Variants in METTL8 observed in about 807,000 individuals in gnomAD.
The protein encoded by METTL8 is tRNA N(3)-cytidine methyltransferase METTL8, mitochondrial.
A neutral mutation model predicts 48.7 loss-of-function variants in METTL8; 32 were observed. The observed-to-expected ratio is 0.66, with a 90% CI of 0.50 to 0.88. METTL8 has a LOEUF of 0.88. METTL8 is among the 40% of genes least tolerant of loss of function. The pLI, the probability that METTL8 is intolerant of heterozygous loss-of-function variation, is 0.00. For synonymous variants in METTL8, 136 were observed against 157.1 expected, an observed-to-expected ratio of 0.87 and a Z score of 1.01; for missense variants, 464 against 474.4, an observed-to-expected ratio of 0.98 and a Z score of 0.20.
intron 1 of METTL8, among the ~76,000 whole-genome samples, chr2:171,396,796 T>C (rs1055929302): frequency 6.6e-6 from 1 of 151,976 alleles, no homozygotes; most frequent in Non-Finnish European, 1.5e-5. Flanking sequence ...TTTATAGTTT[T>C]ACATATTTTT....
intron 1 of METTL8, among the ~76,000 whole-genome samples, chr2:171,431,977 G>A (rs1014590381): frequency 2.0e-4 from 30 of 152,338 alleles, no homozygotes; most frequent in Middle Eastern, 3.4e-3. Context: ...AGCGGTGCAC[G>A]GAGCCAGCTC....
At chr2:171,361,329 T>A (rs1172137227) in intron 2 of METTL8, among the ~76,000 whole-genome samples, 1 of 151,654 alleles carries the variant, frequency 6.6e-6, no homozygotes, top group Non-Finnish European at 1.5e-5. Context: ...TTTTTATCAC[T>A]AAACAATAAA....
At chr2:171,324,939 A>G (rs1269487424) in intron 9 of METTL8, among the ~76,000 whole-genome samples, 1 of 151,912 alleles carries the variant, frequency 6.6e-6, no homozygotes, top group African/African-American at 2.4e-5. Flanking sequence ...CCCCTTCTCT[A>G]ATAAAAATAC....
intron 3 of METTL8, among the ~76,000 whole-genome samples, chr2:171,341,967 G>T (rs1384316318): frequency 6.6e-6 from 1 of 152,064 alleles, no homozygotes; most frequent in Non-Finnish European, 1.5e-5. Context: ...ACCACAGTTG[G>T]AAGGAGAATT....
At chr2:171,421,271 C>T (rs552223915) in intron 1 of METTL8, among the ~76,000 whole-genome samples, 1 of 152,126 alleles carries the variant, frequency 6.6e-6, no homozygotes, top group African/African-American at 2.4e-5. Flanking sequence ...GTTAGAAAAC[C>T]TAATTTTAAA....
At chr2:171,350,185 T>G (rs1456798063) in intron 3 of METTL8, among the ~76,000 whole-genome samples, 2 of 152,194 alleles carry the variant, frequency 1.3e-5, no homozygotes, top group Non-Finnish European at 2.9e-5. Context: ...ATTGTTCAAT[T>G]CCCACCTATG....
chr2:171,361,957 A>AAGGTAGGTTTGGGTTC (rs1175738567), intron 2 of METTL8, among the ~76,000 whole-genome samples: 4 of 152,100 alleles, frequency 2.6e-5, no homozygotes, highest in Non-Finnish European at 5.9e-5. Context: ...GGCTTAAGAG[A>AAGGTAGGTTTGGGTTC]AGGTAGGTTT....
chr2:171,375,631 A>C (rs1331139450), intron 2 of METTL8, among the ~76,000 whole-genome samples: 1 of 152,202 alleles, frequency 6.6e-6, no homozygotes, highest in Non-Finnish European at 1.5e-5. Context: ...GTATCTTAAA[A>C]TACTTCATTT....
At position 171,326,028 on chromosome 2, in the gene METTL8, G is replaced by T; in HGVS notation, c.967+14C>A. 1 of 1,423,468 alleles carries T rather than the reference G, an allele frequency of 7.0e-7. No homozygotes were observed. Among genetic ancestry groups the T allele is most frequent in the Non-Finnish European group, 9.7e-7 (1 of 1,035,504 alleles). 88.2% of individuals were successfully genotyped at this position (1,423,468 alleles called of 1,614,324 possible). ...GAACATTTAAAAATAACCTCAAACTGAATATACTATTACCCTTTTTAAAAC... is the reference window on the plus strand; with the variant it reads ...GAACATTTAAAAATAACCTCAAACTTAATATACTATTACCCTTTTTAAAAC... On this transcript the variant is annotated intron_variant, in intron 8 of 9. Coordinates refer to ENST00000375258, the MANE Select transcript of METTL8 (RefSeq NM_001321154.2).
At chr2:171,398,369 T>C (rs1463512300) in intron 1 of METTL8, among the ~76,000 whole-genome samples, 1 of 152,106 alleles carries the variant, frequency 6.6e-6, no homozygotes, top group African/African-American at 2.4e-5. Context: ...TGGATGAATC[T>C]TAAAGATATT....
chr2:171,387,681 T>C (rs1688209588), intron 2 of METTL8, among the ~76,000 whole-genome samples: 2 of 152,138 alleles, frequency 1.3e-5, no homozygotes. Context: ...TTATTTTTTG[T>C]ACTAAGTTTT....
chr2:171,368,136 AT>A (rs1481846183), intron 2 of METTL8, among the ~76,000 whole-genome samples: 1 of 152,218 alleles, frequency 6.6e-6, no homozygotes, highest in African/African-American at 2.4e-5. Context: ...AAAATTTTCA[AT>A]TTTGCTGATT....
rs762739077 is a variant in METTL8 at position 171,415,349 on chromosome 2, C to CTTTT, written c.-13+18530_-13+18533dup. Among the ~76,000 whole-genome samples the CTTTT allele has an allele frequency of 2.4e-3, 268 of 112,360 alleles. 8 individuals carry two copies. The highest frequency in any genetic ancestry group is 7.9e-3 in the African/African-American group (201 of 25,564). The allele number at this position is 112,360 out of a possible 152,430, so 73.7% of individuals were successfully genotyped here. ...TTTTCTTCTTAATATATCTCGAAATCTTTTTTTTTTTTTTTTTTTTTTTGA... is the reference window on the plus strand; with the variant it reads ...TTTTCTTCTTAATATATCTCGAAATCTTTTTTTTTTTTTTTTTTTTTTTTTTTGA... On this transcript the variant is annotated intron_variant, in intron 1 of 9. Transcript: ENST00000375258.
At chr2:171,324,948 A>G (rs1329174041) in intron 9 of METTL8, among the ~76,000 whole-genome samples, 1 of 151,962 alleles carries the variant, frequency 6.6e-6, no homozygotes, top group Non-Finnish European at 1.5e-5. Context: ...TAATAAAAAT[A>G]CAAAAATTAC....
intron 2 of METTL8, among the ~76,000 whole-genome samples, chr2:171,370,861 T>C (rs182392404): frequency 6.6e-6 from 1 of 152,198 alleles, no homozygotes; most frequent in East Asian, 1.9e-4. Flanking sequence ...TTGGTTTTCC[T>C]TGGGAGGAGG....
chr2:171,360,268 T>TG lies in METTL8; in HGVS notation c.235+153dup, dbSNP rs1304997597. ...GGGTGAATACAAATTTCATTAACTT[T>TG]GGTCCCACTACACTGGAAGAACTGG... On this transcript the variant is annotated intron_variant, in intron 3 of 9. Coordinates refer to ENST00000375258, the MANE Select transcript of METTL8 (RefSeq NM_001321154.2). Among the ~76,000 whole-genome samples the TG allele has an allele frequency of 2.6e-5, 4 of 152,364 alleles. No individual in the cohort carries two copies. The East Asian group carries it at 7.7e-4, about 29-fold the overall frequency.
chr2:171,318,917 G>A lies in METTL8; in HGVS notation c.*5255C>T, dbSNP rs1684390751. The A allele has an allele frequency of 1.3e-5, 2 of 151,950 alleles. No individual in the cohort carries two copies. 9.4% of individuals were successfully genotyped at this position (151,950 alleles called of 1,614,324 possible). A position where few individuals can be genotyped will look rare whatever the true frequency, so the allele number is the denominator to read the frequency against. Reference sequence around the variant, plus strand: ...TGCTACTTACTAGATGTGGTATCCTGAGCAAGTTACCCAACATCTCTTCTG... The same window carrying A: ...TGCTACTTACTAGATGTGGTATCCTAAGCAAGTTACCCAACATCTCTTCTG... On this transcript the variant is annotated 3_prime_UTR_variant, in exon 10 of 10. Coordinates refer to ENST00000375258, the MANE Select transcript of METTL8 (RefSeq NM_001321154.2).
chr2:171,354,343 G>A (rs958513546), intron 3 of METTL8, among the ~76,000 whole-genome samples: 2 of 152,118 alleles, frequency 1.3e-5, no homozygotes, highest in Non-Finnish European at 2.9e-5. Context: ...TAGTCTGATG[G>A]GTTACCCTTT....
chr2:171,415,894 C>A (rs1691267884), intron 1 of METTL8, among the ~76,000 whole-genome samples: 1 of 151,998 alleles, frequency 6.6e-6, no homozygotes, highest in Non-Finnish European at 1.5e-5. Context: ...AATTGTCAGA[C>A]TGGGTAAGGC....
Sources: allele counts gnomAD v4.1 joint callset (sites outside exome capture counted in the v4.1 genomes callset), GRCh38; gene constraint gnomAD v4.1.1; transcripts MANE v1.5; gene names NCBI Gene and HGNC (gene_info 2026-07-23, HGNC 2026-07-21).